RFX4: variants seen among roughly 807,000 people sequenced by gnomAD.
RFX4 encodes transcription factor RFX4.
A neutral mutation model predicts 95.0 loss-of-function variants in RFX4; 10 were observed. The observed-to-expected ratio is 0.11, with a 90% CI of 0.06 to 0.18. RFX4 has a LOEUF of 0.18. RFX4 is among the 10% of genes least tolerant of loss of function. The pLI, the probability that RFX4 is intolerant of heterozygous loss-of-function variation, is 1.00. For synonymous variants in RFX4, 321 were observed against 340.7 expected (o/e 0.94, Z 0.64); for missense variants, 640 against 922.0 (o/e 0.69, Z 3.96).
chr12:106,703,354 T>C (rs1418526382), intron 8 of RFX4, among the ~76,000 whole-genome samples: 3 of 152,238 alleles, frequency 2.0e-5, no homozygotes, highest in Non-Finnish European at 4.4e-5. Context: ...AAAGGTTACC[T>C]CCAGAGGGGA....
chr12:106,624,316 T>G (rs2040246453), intron 2 of RFX4, among the ~76,000 whole-genome samples: 1 of 152,104 alleles, frequency 6.6e-6, no homozygotes, highest in Non-Finnish European at 1.5e-5. Flanking sequence ...TTTTTCATTT[T>G]TATTTTATTT....
At chr12:106,725,862 G>C (rs1387151149) in intron 13 of RFX4, among the ~76,000 whole-genome samples, 1 of 152,086 alleles carries the variant, frequency 6.6e-6, no homozygotes, top group Non-Finnish European at 1.5e-5. Flanking sequence ...AGGCATAAAT[G>C]TTTTTATAGG....
intron 1 of RFX4, among the ~76,000 whole-genome samples, chr12:106,587,637 C>G (rs544481766): frequency 4.7e-4 from 72 of 152,354 alleles, no homozygotes; most frequent in South Asian, 1.4e-3. Flanking sequence ...AGCCTCCCCC[C>G]TCACCCGTCC....
At chr12:106,696,011 G>C (rs1043417342) in intron 7 of RFX4, among the ~76,000 whole-genome samples, 1 of 152,060 alleles carries the variant, frequency 6.6e-6, no homozygotes, top group African/African-American at 2.4e-5. Flanking sequence ...AGGGGTGAAA[G>C]TGCTTCATCT....
chr12:106,714,518 G>A (rs2042253249), intron 10 of RFX4, among the ~76,000 whole-genome samples: 1 of 152,100 alleles, frequency 6.6e-6, no homozygotes, highest in Non-Finnish European at 1.5e-5. Flanking sequence ...CATGCATTAG[G>A]AGACTTGACA....
intron 4 of RFX4, among the ~76,000 whole-genome samples, chr12:106,669,079 C>A (rs987645043): frequency 1.3e-5 from 2 of 152,214 alleles, no homozygotes; most frequent in African/African-American, 4.8e-5. Flanking sequence ...ATACTTATCA[C>A]TTACTAACAC....
At position 106,715,447 on chromosome 12, in the gene RFX4, G is replaced by A. The variant is rs2042268662; in HGVS notation, c.1041G>A (p.Leu347=). ...GTGCAGACATCACGTTCCAAATGCT[G>A]GAAGACTGGAGGAACGTGGACCTGA... is the stretch of plus-strand genomic sequence containing the variant. The part of the protein sequence containing the change: ...IHSADITFQM[L]EDWRNVDLNS... Residue 347 remains leucine (L), a synonymous_variant, in exon 11 of 18, where the codon CTG becomes CTA. Coordinates refer to ENST00000392842, the MANE Select transcript of RFX4 (RefSeq NM_213594.3). 6.2e-7 allele frequency: 1 copy of A among 1,614,182 alleles called. No homozygotes were observed. The highest frequency in any genetic ancestry group is 1.7e-5 in the Admixed American group (1 of 60,018).
At chr12:106,758,078 A>T (rs1463440905) in intron 17 of RFX4, among the ~76,000 whole-genome samples, 1 of 152,214 alleles carries the variant, frequency 6.6e-6, no homozygotes, top group African/African-American at 2.4e-5. Context: ...ATGGGCCCTC[A>T]ACAAAAGGTG....
In RFX4 at chr12:106,601,215, C is replaced by G. The variant is rs2039699204; in HGVS notation, c.44-7582C>G. Reference sequence around the variant, plus strand: ...TGGCTTCCTGGGCTTCTCCAAACTCCTGTGTGTCGCCACTGCCACCGGCAG... The same window carrying G: ...TGGCTTCCTGGGCTTCTCCAAACTCGTGTGTGTCGCCACTGCCACCGGCAG... On this transcript the variant is annotated intron_variant, in intron 1 of 17. Coordinates refer to ENST00000392842, the MANE Select transcript of RFX4 (RefSeq NM_213594.3). 1.5e-5 allele frequency: 23 copies of G among 1,546,834 alleles called. No individual in the cohort carries two copies. In the South Asian group the frequency reaches 2.3e-4, roughly 15 times the overall value.
At chr12:106,584,462 T>C (rs2039421975) in intron 1 of RFX4, among the ~76,000 whole-genome samples, 1 of 152,180 alleles carries the variant, frequency 6.6e-6, no homozygotes, top group African/African-American at 2.4e-5. Context: ...TTTGAGAGAA[T>C]GCCTGCAAGC....
intron 3 of RFX4, among the ~76,000 whole-genome samples, chr12:106,652,778 T>C (rs2040879129): frequency 6.6e-6 from 1 of 152,208 alleles, no homozygotes; most frequent in African/African-American, 2.4e-5. Flanking sequence ...GAGCGAGTGC[T>C]GCCCTTTCAA....
At chr12:106,688,741 A>G (rs898542734) in intron 6 of RFX4, among the ~76,000 whole-genome samples, 3 of 151,236 alleles carry the variant, frequency 2.0e-5, no homozygotes, top group African/African-American at 7.3e-5. Context: ...AAATAAAAAA[A>G]TTATTGGATA....
At chr12:106,726,753 G>A (rs1414709902) in intron 13 of RFX4, among the ~76,000 whole-genome samples, 1 of 152,034 alleles carries the variant, frequency 6.6e-6, no homozygotes, top group African/African-American at 2.4e-5. Flanking sequence ...GAAAAGCAGA[G>A]GAAAAGAAAA....
rs192306554 is a variant in RFX4 at position 106,718,848 on chromosome 12, C to T, written c.1139-1112C>T. On this transcript the variant is annotated intron_variant, in intron 11 of 17. Transcript: ENST00000392842. ...ACTTCCAGCCGGGCGTGGTGGTGCA[C>T]GCCTGTAATCCCAGCACTTTGGGAG... Among the ~76,000 whole-genome samples, 38 of 151,896 alleles carry T rather than the reference C, an allele frequency of 2.5e-4. No individual in the cohort carries two copies. The East Asian group carries it at 4.1e-3, about 16-fold the overall frequency.
At chr12:106,671,995 C>T (rs192016720) in intron 4 of RFX4, among the ~76,000 whole-genome samples, 6 of 152,192 alleles carry the variant, frequency 3.9e-5, no homozygotes, top group South Asian at 4.1e-4. Context: ...AATGTACTAC[C>T]GAGTATAAAA....
intron 5 of RFX4, chr12:106,683,517 A>T (rs1169619101): frequency 7.3e-6 from 1 of 137,910 alleles, no homozygotes; most frequent in Non-Finnish European, 1.5e-5. Flanking sequence ...TTATAATTTT[A>T]AAATTCTGGT....
At chr12:106,681,261 ATGGAGCG>A (rs1221380669) in intron 4 of RFX4, 2 of 152,146 alleles carry the variant, frequency 1.3e-5, no homozygotes, top group African/African-American at 4.8e-5. Flanking sequence ...CCTTGCTCTC[ATGGAGCG>A]TGTGTTCAAG....
intron 7 of RFX4, among the ~76,000 whole-genome samples, chr12:106,694,148 G>GTTA (rs1862201796): frequency 6.6e-6 from 1 of 152,172 alleles, no homozygotes; most frequent in African/African-American, 2.4e-5. Flanking sequence ...GACTCTAACT[G>GTTA]AAGTCTTTTC....
intron 17 of RFX4, among the ~76,000 whole-genome samples, chr12:106,751,080 T>G (rs1692934411): frequency 8.1e-6 from 1 of 123,700 alleles, no homozygotes; most frequent in South Asian, 3.3e-4. Flanking sequence ...ATGCTATCCC[T>G]CCCCCCTCCC....
Sources: gnomAD v4.1 joint callset for allele counts (sites outside exome capture counted in the v4.1 genomes callset) on GRCh38, gnomAD v4.1.1 for gene constraint, MANE v1.5 for transcripts, NCBI Gene and HGNC (gene_info 2026-07-23, HGNC 2026-07-21) for gene names.